The following KAT6B variants were observed in gnomAD, a reference collection of about 807,000 sequenced individuals.
The protein encoded by KAT6B is lysine acetyltransferase 6B, also known as histone acetyltransferase KAT6B.
Under a neutral mutation model 187.5 loss-of-function variants are expected in KAT6B, and 10 were observed. The ratio of observed to expected loss-of-function variants is 0.05; its 90% CI spans 0.03 to 0.09. KAT6B has a LOEUF of 0.09. KAT6B is among the 10% of genes least tolerant of loss of function. KAT6B has a pLI of 1.00. For synonymous variants in KAT6B, 861 were observed against 926.8 expected, an observed-to-expected ratio of 0.93 and a Z score of 1.29; for missense variants, 1,952 against 2,558.9, an observed-to-expected ratio of 0.76 and a Z score of 5.12.
rs1193190308 is a variant in KAT6B at position 75,028,337 on chromosome 10, A to G, written c.3665-152A>G. 3.5e-6 allele frequency: 4 copies of G among 1,143,506 alleles called. No homozygotes were observed. The African/African-American group carries it at 4.6e-5, about 13-fold the overall frequency. The allele number at this position is 1,143,506 out of a possible 1,614,324, so 70.8% of individuals were successfully genotyped here. Reference sequence around the variant, plus strand: ...GGTTTATAACACAATATTATTACACATTAGCCTTGATTATGTCTTTACCAT... The same window carrying G: ...GGTTTATAACACAATATTATTACACGTTAGCCTTGATTATGTCTTTACCAT... On this transcript the variant is annotated intron_variant, in intron 17 of 17. Coordinates refer to ENST00000287239, the MANE Select transcript of KAT6B (RefSeq NM_012330.4).
Position 74,960,084 on chromosome 10 carries a change from T to C in KAT6B, c.730+6T>C, listed in dbSNP as rs1285123684. The C allele has an allele frequency of 6.4e-7, 1 of 1,563,200 alleles. No homozygotes were observed. The highest frequency in any genetic ancestry group is 1.4e-5 in the African/African-American group (1 of 73,784). On this transcript the variant is annotated splice_donor_region_variant and intron_variant, in intron 4 of 17. Coordinates refer to ENST00000287239, the MANE Select transcript of KAT6B (RefSeq NM_012330.4). ...TGCAGATTGTGGCAGTAGTGGTAAG[T>C]TGTGTTTTTCCTATGTGTTGTACAA...
intron 13 of KAT6B, among the ~76,000 whole-genome samples, chr10:75,019,037 T>C (rs1845193377): frequency 6.6e-6 from 1 of 152,206 alleles, no homozygotes; most frequent in Non-Finnish European, 1.5e-5. Flanking sequence ...TAGAGAGCTC[T>C]TCTTCGTGTT....
intron 4 of KAT6B, among the ~76,000 whole-genome samples, chr10:74,968,466 C>G (rs1841631137): frequency 6.6e-6 from 1 of 151,776 alleles, no homozygotes; most frequent in Non-Finnish European, 1.5e-5. Context: ...TTCAAAAAGC[C>G]AAATCTCCTG....
At chr10:74,830,769 T>TATATATATATGTATATATATATATATA (rs58702000) in intron 1 of KAT6B, among the ~76,000 whole-genome samples, 3 of 7,738 alleles carry the variant, frequency 3.9e-4, no homozygotes, top group African/African-American at 7.1e-4. Flanking sequence ...TATATATATA[T>TATATATATATGTATATATATATATATA]TTTTTTTTTT....
At chr10:74,844,334 G>A (rs562961247) in intron 3 of KAT6B, among the ~76,000 whole-genome samples, 11 of 152,326 alleles carry the variant, frequency 7.2e-5, no homozygotes, top group African/African-American at 2.6e-4. Context: ...TAGTAGCTGG[G>A]ATTACAGGCA....
intron 13 of KAT6B, among the ~76,000 whole-genome samples, chr10:74,990,196 C>CAAAAAAAAAAAA (rs56300641): frequency 2.5e-5 from 1 of 39,408 alleles, no homozygotes; most frequent in Non-Finnish European, 6.5e-5. Flanking sequence ...GACTCTGTCT[C>CAAAAAAAAAAAA]AAAAAAAAAA....
intron 3 of KAT6B, among the ~76,000 whole-genome samples, chr10:74,922,381 C>T (rs1293595499): frequency 6.6e-6 from 1 of 152,028 alleles, no homozygotes; most frequent in African/African-American, 2.4e-5. Flanking sequence ...CCTCCAGGAG[C>T]CCTTCATCCC....
intron 13 of KAT6B, among the ~76,000 whole-genome samples, chr10:74,990,595 T>A (rs1023095273): frequency 2.0e-5 from 3 of 152,330 alleles, no homozygotes; most frequent in African/African-American, 7.2e-5. Flanking sequence ...TATCTATACT[T>A]TCCTGACCTA....
At chr10:74,826,972 A>G (rs1165581448) in intron 1 of KAT6B, among the ~76,000 whole-genome samples, 187 bp downstream of exon 1, 3 of 140,018 alleles carry the variant, frequency 2.1e-5, no homozygotes, top group African/African-American at 5.3e-5. Context: ...GGGAGGAGGG[A>G]CAGGCCCCGC....
chr10:74,855,708 ACTT>A (rs1266793112), intron 3 of KAT6B, among the ~76,000 whole-genome samples: 1 of 152,192 alleles, frequency 6.6e-6, no homozygotes, highest in Non-Finnish European at 1.5e-5. Flanking sequence ...CTAGGAAAAT[ACTT>A]CTCTCCTAAC....
chr10:74,909,781 A>G (rs879838151), intron 3 of KAT6B, among the ~76,000 whole-genome samples: 5 of 152,120 alleles, frequency 3.3e-5, no homozygotes, highest in Non-Finnish European at 7.4e-5. Flanking sequence ...CTCATTACCC[A>G]TTCTCAGTTC....
At chr10:74,907,536 T>G (rs1423738877) in intron 3 of KAT6B, among the ~76,000 whole-genome samples, 1 of 152,142 alleles carries the variant, frequency 6.6e-6, no homozygotes, top group Non-Finnish European at 1.5e-5. Context: ...TTCTTTTTCT[T>G]TTTTTCTGAG....
At position 75,021,658 on chromosome 10, in the gene KAT6B, C is replaced by T. The variant is rs376271759; in HGVS notation, c.3022-223C>T. Among the ~76,000 whole-genome samples, 10 of 152,250 alleles carry T rather than the reference C, an allele frequency of 6.6e-5. No homozygotes were observed. The East Asian group carries it at 1.2e-3, about 18-fold the overall frequency. On this transcript the variant is annotated intron_variant, in intron 15 of 17. Transcript: ENST00000287239. ...TAGTGATAAAGGACTCAAATCAATT[C>T]GCTGCATCATTAATACTGTTAAATA...
chr10:74,935,284 T>C (rs938964444), intron 3 of KAT6B, among the ~76,000 whole-genome samples: 8 of 151,998 alleles, frequency 5.3e-5, no homozygotes, highest in Non-Finnish European at 7.4e-5. Context: ...CACACACATA[T>C]ATATATATAC....
intron 3 of KAT6B, among the ~76,000 whole-genome samples, chr10:74,864,461 G>A (rs573920944): frequency 2.6e-5 from 4 of 151,962 alleles, no homozygotes; most frequent in African/African-American, 9.7e-5. Flanking sequence ...GGCTGGTCTC[G>A]AACTCCTGAC....
intron 3 of KAT6B, among the ~76,000 whole-genome samples, chr10:74,915,877 A>G (rs895334054): frequency 6.6e-6 from 1 of 152,204 alleles, no homozygotes; most frequent in African/African-American, 2.4e-5. Context: ...TTAAAAATCT[A>G]TAATTTTGGC....
intron 3 of KAT6B, among the ~76,000 whole-genome samples, chr10:74,860,220 T>C (rs1843084605): frequency 6.6e-6 from 1 of 152,184 alleles, no homozygotes; most frequent in South Asian, 2.1e-4. Flanking sequence ...TTTGTGTCTC[T>C]GACCACTTAG....
chr10:74,834,068 TC>T (rs1841081250), intron 1 of KAT6B, among the ~76,000 whole-genome samples: 1 of 152,218 alleles, frequency 6.6e-6, no homozygotes, highest in African/African-American at 2.4e-5. Flanking sequence ...ATTCAAACAT[TC>T]AACAGGTTTG....
At chr10:74,959,682 C>T (rs1840951463) in intron 3 of KAT6B, among the ~76,000 whole-genome samples, 1 of 152,084 alleles carries the variant, frequency 6.6e-6, no homozygotes, top group South Asian at 2.1e-4. Context: ...CCCAGATACT[C>T]GGGAGGCTGA....
Sources: allele counts gnomAD v4.1 joint callset (sites outside exome capture counted in the v4.1 genomes callset), GRCh38; gene constraint gnomAD v4.1.1; transcripts MANE v1.5; gene names NCBI Gene and HGNC (gene_info 2026-07-23, HGNC 2026-07-21).